Variants in GARIN2 observed in about 807,000 individuals in gnomAD.
GARIN2 encodes Golgi-associated RAB2 interactor protein 2.
the GARIN2 span, among the ~76,000 whole-genome samples, chr14:67,193,536 G>T: frequency 7.1e-6 from 1 of 140,450 alleles, no homozygotes; most frequent in Non-Finnish European, 1.5e-5. Context: ...TAGATCTATA[G>T]AAATATATAT....
chr14:67,203,156 CTG>C, the GARIN2 span: 11 of 1,614,002 alleles, frequency 6.8e-6, no homozygotes, highest in Middle Eastern at 3.3e-4. Context: ...CCGTAGGCAT[CTG>C]TTTTTCCAGC....
At chr14:67,200,794 G>A in the GARIN2 span, among the ~76,000 whole-genome samples, 3 of 152,114 alleles carry the variant, frequency 2.0e-5, no homozygotes, top group Non-Finnish European at 4.4e-5. Context: ...ATCCTGTGCT[G>A]TTTCCAAGTT....
At chr14:67,211,218 C>G in the GARIN2 span, among the ~76,000 whole-genome samples, 1 of 151,998 alleles carries the variant, frequency 6.6e-6, no homozygotes, top group Admixed American at 6.6e-5. Flanking sequence ...CTCATGGTAA[C>G]TGTTCAAAAT....
chr14:67,199,149 T>C, the GARIN2 span: 1 of 1,552,504 alleles, frequency 6.4e-7, no homozygotes, highest in Non-Finnish European at 8.9e-7. Flanking sequence ...ACCGCTACTG[T>C]GGGAACTGTT....
At chr14:67,194,174 G>A in the GARIN2 span, among the ~76,000 whole-genome samples, 7 of 151,780 alleles carry the variant, frequency 4.6e-5, no homozygotes, top group African/African-American at 1.4e-4. Context: ...ACCAGCCTGG[G>A]CAACATGGTG....
chr14:67,193,645 A>G, the GARIN2 span, among the ~76,000 whole-genome samples: 1 of 147,928 alleles, frequency 6.8e-6, no homozygotes, highest in East Asian at 2.0e-4. Context: ...AGATATAGAT[A>G]TATAGAAATT....
chr14:67,208,534 C>A, the GARIN2 span: 3 of 1,363,704 alleles, frequency 2.2e-6, no homozygotes, highest in Non-Finnish European at 3.0e-6. Flanking sequence ...TTAACTCAGG[C>A]ATCTGCCACT....
chr14:67,192,140 C>T, the GARIN2 span, among the ~76,000 whole-genome samples: 3 of 152,246 alleles, frequency 2.0e-5, no homozygotes, highest in Admixed American at 2.0e-4. Context: ...CATAGCTCTG[C>T]ATCCTGCCTG....
At chr14:67,206,549 A>G in the GARIN2 span, among the ~76,000 whole-genome samples, 1 of 152,136 alleles carries the variant, frequency 6.6e-6, no homozygotes, top group Non-Finnish European at 1.5e-5. Context: ...AAAAATTCAC[A>G]TAGTTCTACA....
the GARIN2 span, among the ~76,000 whole-genome samples, chr14:67,191,692 C>T: frequency 3.3e-5 from 5 of 152,178 alleles, no homozygotes; most frequent in African/African-American, 1.2e-4. Context: ...AAACAGTATA[C>T]ACAGATAGGG....
chr14:67,207,762 A>T, the GARIN2 span, among the ~76,000 whole-genome samples: 1 of 152,134 alleles, frequency 6.6e-6, no homozygotes, highest in Admixed American at 6.5e-5. Flanking sequence ...TTTTAGATAC[A>T]GGTTCTAAGT....
chr14:67,227,194 C>A, the GARIN2 span, among the ~76,000 whole-genome samples: 23,719 of 151,924 alleles, frequency 0.16, 3,495 homozygotes, highest in East Asian at 0.42. Context: ...GTAATCCCAG[C>A]ACTTTGGGAG....
chr14:67,201,060 A>G, the GARIN2 span, among the ~76,000 whole-genome samples: 1 of 152,178 alleles, frequency 6.6e-6, no homozygotes, highest in Non-Finnish European at 1.5e-5. Flanking sequence ...CTTTGAAAGG[A>G]CAAGGCAGGA....
the GARIN2 span, chr14:67,200,639 A>G: frequency 5.7e-6 from 1 of 174,876 alleles, no homozygotes; most frequent in South Asian, 1.6e-4. Context: ...CACCTCCAGT[A>G]TACCATAGGC....
chr14:67,214,641 C>T, the GARIN2 span, among the ~76,000 whole-genome samples: 11 of 151,792 alleles, frequency 7.2e-5, no homozygotes, highest in Admixed American at 1.3e-4. Context: ...ATTGACTTGG[C>T]GATGCGGGCT....
the GARIN2 span, chr14:67,208,489 T>C: frequency 6.3e-7 from 1 of 1,584,196 alleles, no homozygotes; most frequent in African/African-American, 1.4e-5. Flanking sequence ...TTCTAAGACA[T>C]GAAATATTAA....
chr14:67,209,118 C>G, the GARIN2 span, among the ~76,000 whole-genome samples: 5 of 152,122 alleles, frequency 3.3e-5, no homozygotes, highest in African/African-American at 1.2e-4. Flanking sequence ...AAGTAATTTT[C>G]AATGGCAGAG....
At chr14:67,208,228 TG>T in the GARIN2 span, 1 of 1,613,824 alleles carries the variant, frequency 6.2e-7, no homozygotes, top group Non-Finnish European at 8.5e-7. Flanking sequence ...TTCTGAAGCC[TG>T]GGTGTTTACA....
the GARIN2 span, among the ~76,000 whole-genome samples, chr14:67,203,627 A>G: frequency 1.3e-5 from 2 of 152,208 alleles, no homozygotes; most frequent in Non-Finnish European, 2.9e-5. Flanking sequence ...AACTTGGTCT[A>G]TGATCATGAG....
Sources: allele counts gnomAD v4.1 joint callset (sites outside exome capture counted in the v4.1 genomes callset), GRCh38; gene constraint gnomAD v4.1.1; transcripts MANE v1.5; gene names NCBI Gene and HGNC (gene_info 2026-07-23, HGNC 2026-07-21).